Variants in CYP2S1 observed in about 807,000 individuals in gnomAD.
The protein encoded by CYP2S1 is cytochrome P450 2S1.
CYP2S1 carries 32 observed loss-of-function variants against 43.5 expected under a neutral mutation model. That is an observed-to-expected ratio of 0.74 (90% CI 0.56 to 0.99). CYP2S1 has a LOEUF of 0.99. Ranked by LOEUF, CYP2S1 falls within the 50% of genes least tolerant of loss-of-function variation. CYP2S1 has a pLI of 0.00. For missense variants in CYP2S1, 575 were observed against 673.9 expected (o/e 0.85, Z 1.62); for synonymous variants, 283 against 302.9 (o/e 0.93, Z 0.68).
At chr19:41,195,997 T>C (rs558497417) in intron 2 of CYP2S1, among the ~76,000 whole-genome samples, 7 of 152,164 alleles carry the variant, frequency 4.6e-5, no homozygotes, top group Admixed American at 2.0e-4. Flanking sequence ...GGCGGGCTTA[T>C]ACTGCAGTAA....
At chr19:41,201,476 C>T (rs971878462) in intron 6 of CYP2S1, 104 bp downstream of exon 6, 28 of 1,467,048 alleles carry the variant, frequency 1.9e-5, no homozygotes, top group South Asian at 2.7e-5. Flanking sequence ...GAGGCTGAGG[C>T]GGGCTGATCA....
At chr19:41,202,135 G>A (rs542839054) in intron 6 of CYP2S1, among the ~76,000 whole-genome samples, 15 of 152,140 alleles carry the variant, frequency 9.9e-5, no homozygotes, top group African/African-American at 3.4e-4. Context: ...TTACAAGCAT[G>A]CACCACCACG....
At position 41,197,832 on chromosome 19, in the gene CYP2S1, C is replaced by T. The variant is rs200338433; in HGVS notation, c.397C>T (p.Leu133Phe). 1 of 1,614,118 alleles carries T rather than the reference C, an allele frequency of 6.2e-7. No homozygotes were observed. The highest frequency in any genetic ancestry group is 1.3e-5 in the African/African-American group (1 of 75,064). The change falls in exon 3 of 9, where the codon CTT becomes TTT. Residue 133 changes from leucine to phenylalanine, a missense_variant. Leu to Phe is a conservative substitution (Grantham distance 22). Transcript: ENST00000310054. ...GAGGCAGCTGAGGAAGTTTACCATG[C>T]TTGCTCTGCGGGACCTGGGCATGGG... ...RWRQLRKFTM[L>F]ALRDLGMGKR...
intron 6 of CYP2S1, among the ~76,000 whole-genome samples, chr19:41,201,753 G>C (rs1194145863): frequency 2.0e-5 from 3 of 151,708 alleles, no homozygotes; most frequent in Non-Finnish European, 2.9e-5. Flanking sequence ...GGGCCAAGCA[G>C]ACAGGCTGAG....
Position 41,198,727 on chromosome 19 carries a change from T to C in CYP2S1, c.673T>C (p.Trp225Arg), listed in dbSNP as rs550564893. Residue 225 changes from tryptophan (W) to arginine (R), a missense_variant, in exon 5 of 9, where the codon TGG becomes CGG. Around this residue, in one of 2 missense-constraint regions of CYP2S1, gnomAD observed 353 missense variants for 367.6 expected, o/e 0.96. Coordinates refer to ENST00000310054, the MANE Select transcript of CYP2S1 (RefSeq NM_030622.8). The surrounding 1 kb of genome is among the most constrained non-coding windows in gnomAD (Gnocchi z 4.9). ...CCCACAGACCTACGAGATGTTCTCC[T>C]GGTTCCTGCGGCCCCTGCCAGGCCC... ...QGGQTYEMFSWFLRPLPGPHK... is the reference protein window; with the variant it reads ...QGGQTYEMFSRFLRPLPGPHK... 1.9e-6 allele frequency: 3 copies of C among 1,614,122 alleles called. No homozygotes were observed. In the African/African-American group the frequency reaches 4.0e-5, roughly 22 times the overall value.
At chr19:41,201,456 A>G in intron 6 of CYP2S1, 84 bp downstream of exon 6, 1 of 1,529,932 alleles carries the variant, frequency 6.5e-7, no homozygotes, top group Non-Finnish European at 8.8e-7. Flanking sequence ...CTATAATCCC[A>G]GCACTTTGGG....
Position 41,206,641 on chromosome 19 carries a change from C to CGCTCA in CYP2S1, c.*154_*158dup. 1 of 961,216 alleles carries CGCTCA rather than the reference C, an allele frequency of 1.0e-6. No individual in the cohort carries two copies. The highest frequency in any genetic ancestry group is 1.7e-6 in the Non-Finnish European group (1 of 596,668). The allele number at this position is 961,216 out of a possible 1,614,324, so 59.5% of individuals were successfully genotyped here. ...TCCGGAGTCTGTCCCACGGCCCACA[C>CGCTCA]GCTCACTTGACTCATGCTGCTAAGA... On this transcript the variant is annotated 3_prime_UTR_variant, in exon 9 of 9. Coordinates refer to ENST00000310054, the MANE Select transcript of CYP2S1 (RefSeq NM_030622.8).
chr19:41,207,011 C>CTTTTTTTAATGAT lies in CYP2S1; in HGVS notation c.*523_*524insTTTTTTTAATGAT. On this transcript the variant is annotated 3_prime_UTR_variant, in exon 9 of 9. Coordinates refer to ENST00000310054, the MANE Select transcript of CYP2S1 (RefSeq NM_030622.8). ...CAACTCATGCTCCCTCTCTTGGCTA[C>CTTTTTTTAATGAT]ACCACTCTCCCAGCCTGTGACCACC... The CTTTTTTTAATGAT allele has an allele frequency of 2.8e-6, 1 of 357,768 alleles. No individual in the cohort carries two copies. The highest frequency in any genetic ancestry group is 5.5e-6 in the Non-Finnish European group (1 of 181,568). The allele number at this position is 357,768 out of a possible 1,614,324, so 22.2% of individuals were successfully genotyped here. A position where few individuals can be genotyped will look rare whatever the true frequency, so the allele number is the denominator to read the frequency against.
rs773545603 is a variant in CYP2S1 at position 41,206,316 on chromosome 19, C to T, written c.1343C>T (p.Ala448Val). 3.1e-6 allele frequency: 5 copies of T among 1,614,088 alleles called. No homozygotes were observed. Among genetic ancestry groups the T allele is most frequent in the African/African-American group, 1.3e-5 (1 of 75,012 alleles). The change falls in exon 9 of 9, where the codon GCG (alanine) becomes GTG (valine). Residue 448 changes from alanine to valine, a missense_variant. This residue lies in a region of CYP2S1 where 222 missense variants were observed against 306.3 expected (regional missense o/e 0.72). Transcript: ENST00000310054. ...RVCLGEGLAK[A>V]ELFLFFTTIL... is the part of the protein sequence containing the mutation. Reference sequence around the variant, plus strand: ...TGCCTTGGAGAGGGCCTGGCAAAAGCGGAGCTCTTCCTCTTCTTCACCACC... The same window carrying T: ...TGCCTTGGAGAGGGCCTGGCAAAAGTGGAGCTCTTCCTCTTCTTCACCACC...
chr19:41,198,849 A>G lies in CYP2S1; in HGVS notation c.795A>G (p.Ala265=). 1 of 1,614,002 alleles carries G rather than the reference A, an allele frequency of 6.2e-7. No individual in the cohort carries two copies. The highest frequency in any genetic ancestry group is 8.5e-7 in the Non-Finnish European group (1 of 1,179,900). ...GGAACCTGGATGCTTCGGGCCCCGC[A>G]CGTGACCTTGTCGATGCCTTCCTGC... ...HQGNLDASGP[A]RDLVDAFLLK... is the part of the protein sequence containing the mutation. The change falls in exon 5 of 9, where the codon GCA becomes GCG. Residue 265 remains alanine, a synonymous_variant. Coordinates refer to ENST00000310054, the MANE Select transcript of CYP2S1 (RefSeq NM_030622.8). This position sits in a 1 kb window ranked among gnomAD's most constrained non-coding sequence, Gnocchi z 4.9.
At position 41,194,534 on chromosome 19, in the gene CYP2S1, C is replaced by T. The variant is rs746913039; in HGVS notation, c.178-10C>T. The T allele has an allele frequency of 6.4e-7, 1 of 1,569,620 alleles. No individual in the cohort carries two copies. The highest frequency in any genetic ancestry group is 1.7e-4 in the Middle Eastern group (1 of 5,914). On this transcript the variant is annotated splice_polypyrimidine_tract_variant and intron_variant, in intron 1 of 8. Transcript: ENST00000310054. ...ACAGCACCCTCCTCTTTCTTCCTCCCTACCCCCAGCTGAGTAAGAAGTACG... is the reference window on the plus strand; with the variant it reads ...ACAGCACCCTCCTCTTTCTTCCTCCTTACCCCCAGCTGAGTAAGAAGTACG...
chr19:41,203,272 T>C (rs1328204171), intron 6 of CYP2S1, among the ~76,000 whole-genome samples, 178 bp from the exon 7 acceptor site: 1 of 151,756 alleles, frequency 6.6e-6, no homozygotes, highest in African/African-American at 2.4e-5. Flanking sequence ...AGAGAGAAGA[T>C]AGATGGAACA....
intron 2 of CYP2S1, among the ~76,000 whole-genome samples, chr19:41,195,728 T>C (rs575661843): frequency 8.4e-4 from 127 of 151,960 alleles, no homozygotes; most frequent in Non-Finnish European, 1.5e-3. Context: ...AGCATGACTT[T>C]GAGAGAAGCA....
intron 5 of CYP2S1, among the ~76,000 whole-genome samples, chr19:41,200,851 A>T (rs899554061): frequency 6.6e-6 from 1 of 152,146 alleles, no homozygotes; most frequent in African/African-American, 2.4e-5. Flanking sequence ...AAAATGGTAC[A>T]GCAGTTACCT....
intron 2 of CYP2S1, among the ~76,000 whole-genome samples, chr19:41,196,138 C>G (rs372037465): frequency 6.6e-6 from 1 of 151,846 alleles, no homozygotes; most frequent in Non-Finnish European, 1.5e-5. Context: ...ACATTTAAGC[C>G]GGGACATGAA....
At chr19:41,205,342 T>TTTTCTCTCTTTCTTTC (rs2033551280) in intron 7 of CYP2S1, among the ~76,000 whole-genome samples, 1 of 111,656 alleles carries the variant, frequency 9.0e-6, no homozygotes, top group Non-Finnish European at 1.7e-5. Context: ...TTCTTTCTTT[T>TTTTCTCTCTTTCTTTC]TTTCTTTCTT....
Position 41,197,792 on chromosome 19 carries a change from C to T in CYP2S1, c.357C>T (p.Ser119=). Residue 119 remains serine, a synonymous_variant, in exon 3 of 9, where the codon TCC becomes TCT. Coordinates refer to ENST00000310054, the MANE Select transcript of CYP2S1 (RefSeq NM_030622.8). ...GTFDGHGVFF[S]NGERWRQLRK... ...CCTTCTGCGCAGGGGTTTTCTTCTC[C>T]AACGGGGAGCGGTGGAGGCAGCTGA... The T allele has an allele frequency of 6.2e-7, 1 of 1,613,994 alleles. No homozygotes were observed. The highest frequency in any genetic ancestry group is 8.5e-7 in the Non-Finnish European group (1 of 1,180,016).
chr19:41,206,525 G>C lies in CYP2S1; in HGVS notation c.*37G>C, dbSNP rs772265062. On this transcript the variant is annotated 3_prime_UTR_variant, in exon 9 of 9. Transcript: ENST00000310054. ...TTGGAAGTGGTGGGTGCCCAGGACG[G>C]TGCCTCCAGCCTCAACAGTGGGCAT... The C allele has an allele frequency of 6.2e-7, 1 of 1,612,302 alleles. No individual in the cohort carries two copies. The highest frequency in any genetic ancestry group is 1.1e-5 in the South Asian group (1 of 91,046).
chr19:41,206,506 G>C lies in CYP2S1; in HGVS notation c.*18G>C. ...CCAGATGAAGGAAGGCAACTTGGAA[G>C]TGGTGGGTGCCCAGGACGGTGCCTC... On this transcript the variant is annotated 3_prime_UTR_variant, in exon 9 of 9. Transcript: ENST00000310054. 1 of 1,614,094 alleles carries C rather than the reference G, an allele frequency of 6.2e-7. No homozygotes were observed. The highest frequency in any genetic ancestry group is 8.5e-7 in the Non-Finnish European group (1 of 1,180,018).
Sources: allele counts gnomAD v4.1 joint callset (sites outside exome capture counted in the v4.1 genomes callset), GRCh38; gene constraint gnomAD v4.1.1; regional missense constraint gnomAD v4.1.1; non-coding constraint Gnocchi (gnomAD v3.1); transcripts MANE v1.5; gene names NCBI Gene and HGNC (gene_info 2026-07-23, HGNC 2026-07-21).